The following CACNA1A variants were observed in gnomAD, a reference collection of about 807,000 sequenced individuals.
CACNA1A encodes calcium voltage-gated channel subunit alpha1 A.
In CACNA1A, 57 loss-of-function variants were observed where a neutral mutation model predicts 262.4. That is an observed-to-expected ratio of 0.22 (90% CI 0.18 to 0.27). The LOEUF is 0.27. CACNA1A is among the 10% of genes least tolerant of loss of function. The probability of loss-of-function intolerance (pLI) is 1.00; values close to 1 mark genes in which losing one functional copy is unlikely to be tolerated. For synonymous variants in CACNA1A, 1,431 were observed against 1,419.3 expected (o/e 1.01, Z -0.18); for missense variants, 2,526 against 3,562.8 (o/e 0.71, Z 7.41).
At chr19:13,464,622 C>T (rs968337070) in intron 1 of CACNA1A, among the ~76,000 whole-genome samples, 4 of 149,202 alleles carry the variant, frequency 2.7e-5, no homozygotes, top group Non-Finnish European at 4.4e-5. Flanking sequence ...TATCTCGGCT[C>T]ACTGCAAGCT....
Position 13,365,312 on chromosome 19 carries a change from C to G in CACNA1A, c.784+5G>C. On this transcript the variant is annotated splice_donor_5th_base_variant and intron_variant, in intron 5 of 46. Transcript: ENST00000360228. The stretch of plus-strand genomic sequence containing the variant: ...GGAAAGATGCATCATGCTCCGTGGA[C>G]CTACCTGTCCCCTCTTCAAAGCAGG... 1 of 1,610,028 alleles carries G rather than the reference C, an allele frequency of 6.2e-7. No individual in the cohort carries two copies. The highest frequency in any genetic ancestry group is 8.5e-7 in the Non-Finnish European group (1 of 1,177,098).
chr19:13,454,392 T>C (rs1568661308), intron 2 of CACNA1A, among the ~76,000 whole-genome samples: 1 of 151,764 alleles, frequency 6.6e-6, no homozygotes, highest in African/African-American at 2.4e-5. Context: ...CCCACCAAGA[T>C]GGAGTTTCAC....
chr19:13,354,934 G>C (rs1247820207), intron 6 of CACNA1A, among the ~76,000 whole-genome samples: 1 of 147,316 alleles, frequency 6.8e-6, no homozygotes, highest in Non-Finnish European at 1.5e-5. Flanking sequence ...GAGTGCAGTG[G>C]CATGATCTTG....
chr19:13,360,636 C>A (rs1482817214), intron 5 of CACNA1A, among the ~76,000 whole-genome samples: 3 of 152,068 alleles, frequency 2.0e-5, no homozygotes, highest in African/African-American at 7.2e-5. Context: ...CACCACCACA[C>A]CTGGATAATC....
chr19:13,341,007 G>C (rs2058668113), intron 6 of CACNA1A, among the ~76,000 whole-genome samples: 1 of 152,176 alleles, frequency 6.6e-6, no homozygotes. Flanking sequence ...AGGAGTTTGA[G>C]GCTGTAGTGA....
chr19:13,445,753 A>T (rs1241878447), intron 3 of CACNA1A, among the ~76,000 whole-genome samples: 1 of 152,226 alleles, frequency 6.6e-6, no homozygotes, highest in African/African-American at 2.4e-5. Context: ...TCATGATCAG[A>T]ACACAAATAC....
At position 13,466,529 on chromosome 19, in the gene CACNA1A, T is replaced by C. The variant is rs534938294; in HGVS notation, c.294-11317A>G. ...CTAATTTTTGCATTTTTAGTAGAGTTGGGGTTTCACCATGTTGGCCAGACT... is the reference window on the plus strand; with the variant it reads ...CTAATTTTTGCATTTTTAGTAGAGTCGGGGTTTCACCATGTTGGCCAGACT... On this transcript the variant is annotated intron_variant, in intron 1 of 46. Coordinates refer to ENST00000360228, the MANE Select transcript of CACNA1A (RefSeq NM_001127222.2). Among the ~76,000 whole-genome samples the C allele has an allele frequency of 2.6e-5, 4 of 152,028 alleles. No individual in the cohort carries two copies. The South Asian group carries it at 8.3e-4, about 32-fold the overall frequency.
chr19:13,259,660 C>T lies in CACNA1A; in HGVS notation c.4292G>A (p.Arg1431Gln), dbSNP rs369440853. ...TTCATACTTCTTCCACTCCCGGTCT[C>T]GCGCCTTCACCTCATTCTTCTCGTA... ...LLYEKNEVKA[R>Q]DREWKKYEFH... The change falls in exon 27 of 47, where the codon CGA becomes CAA. Residue 1431 changes from arginine to glutamine, a missense_variant. Physicochemically the swap from Arg to Gln is conservative, Grantham distance 43. Around this residue, in one of 17 missense-constraint regions of CACNA1A, gnomAD observed 137 missense variants for 377.7 expected, o/e 0.36. Transcript: ENST00000360228. 2.9e-5 allele frequency: 47 copies of T among 1,610,870 alleles called. No homozygotes were observed. The highest frequency in any genetic ancestry group is 3.8e-5 in the Non-Finnish European group (45 of 1,178,626).
chr19:13,343,021 C>G (rs2058702449), intron 6 of CACNA1A, among the ~76,000 whole-genome samples: 1 of 152,062 alleles, frequency 6.6e-6, no homozygotes, highest in Non-Finnish European at 1.5e-5. Context: ...TCCCAAAGTG[C>G]TGGGATTTCA....
chr19:13,377,004 G>C (rs2059431960), intron 3 of CACNA1A, among the ~76,000 whole-genome samples: 1 of 146,520 alleles, frequency 6.8e-6, no homozygotes, highest in African/African-American at 2.5e-5. Flanking sequence ...TTGTTGCCCA[G>C]GCTGGAGTGC....
intron 6 of CACNA1A, among the ~76,000 whole-genome samples, chr19:13,338,060 A>C (rs922694882): frequency 6.6e-6 from 1 of 152,164 alleles, no homozygotes; most frequent in African/African-American, 2.4e-5. Flanking sequence ...TCTACTAAAA[A>C]TACAAAAAAA....
rs141963371 is a variant in CACNA1A, at chr19:13,212,695, T to C, written c.5986A>G (p.Thr1996Ala). Residue 1996 changes from threonine to alanine, a missense_variant, in exon 41 of 47, where the codon ACG becomes GCG. By Grantham distance (58) the Thr-to-Ala change is moderately conservative. Coordinates refer to ENST00000360228, the MANE Select transcript of CACNA1A (RefSeq NM_001127222.2). The surrounding 1 kb of genome is among the most constrained non-coding windows in gnomAD (Gnocchi z 5.6). ...MFQRMEPPSP[T>A]QEGGPGQNAL... ...TTCTGGCCAGGTCCCCCTTCCTGCG[T>C]TGGGGACGGGGGCTCCATGCGCTGG... 82 of 1,510,702 alleles carry C rather than the reference T, an allele frequency of 5.4e-5. No individual in the cohort carries two copies. The highest frequency in any genetic ancestry group is 4.0e-4 in the Middle Eastern group (2 of 5,056). 93.6% of individuals were successfully genotyped at this position (1,510,702 alleles called of 1,614,324 possible).
intron 5 of CACNA1A, chr19:13,364,655 ATT>A (rs56928536): frequency 0.12 from 18,229 of 151,948 alleles, 2,079 homozygotes; most frequent in African/African-American, 0.29. Flanking sequence ...TTATTTATTT[ATT>A]TGAGATGGAG....
chr19:13,335,770 G>A (rs2058554574), intron 7 of CACNA1A, 36 bp downstream of exon 7: 1 of 1,307,626 alleles, frequency 7.6e-7, no homozygotes, highest in Non-Finnish European at 1.1e-6. Flanking sequence ...GCAAAGAGGA[G>A]TGAGTGGGAT....
At chr19:13,391,748 T>C (rs2059713876) in intron 3 of CACNA1A, among the ~76,000 whole-genome samples, 1 of 151,540 alleles carries the variant, frequency 6.6e-6, no homozygotes, top group Non-Finnish European at 1.5e-5. Flanking sequence ...ATGAAGAAAT[T>C]AGCCATGGCC....
chr19:13,300,788 A>C (rs1400779455), intron 17 of CACNA1A, 132 bp from the exon 18 acceptor site: 1 of 734,934 alleles, frequency 1.4e-6, no homozygotes, highest in East Asian at 2.5e-5. Flanking sequence ...CCCAATTGGA[A>C]TGGGTACCTG....
At chr19:13,435,518 C>T (rs2060595232) in intron 3 of CACNA1A, among the ~76,000 whole-genome samples, 2 of 152,090 alleles carry the variant, frequency 1.3e-5, no homozygotes. Context: ...GTCAGCAGAG[C>T]AGCAGAGGTG....
intron 20 of CACNA1A, among the ~76,000 whole-genome samples, chr19:13,286,091 T>G (rs531384542): frequency 6.6e-6 from 1 of 151,746 alleles, no homozygotes; most frequent in East Asian, 2.0e-4. Context: ...ATCTGGCCCC[T>G]TTTTTAATGT....
Position 13,241,657 on chromosome 19 carries a change from T to TGG in CACNA1A, c.4950+3523_4950+3524dup. 1 of 432,226 alleles carries TGG rather than the reference T, an allele frequency of 2.3e-6. No individual in the cohort carries two copies. The highest frequency in any genetic ancestry group is 4.5e-6 in the Non-Finnish European group (1 of 220,690). 26.8% of individuals were successfully genotyped at this position (432,226 alleles called of 1,614,324 possible). On this transcript the variant is annotated intron_variant, in intron 31 of 46. Transcript: ENST00000360228. This position sits in a 1 kb window ranked among gnomAD's most constrained non-coding sequence, Gnocchi z 4.0. ...TGGGTTTCGGTTCCCGGGCGGGGAG[T>TGG]GGGGGTGGTGGTGGCGGTGGGTTGG...
Sources: allele counts gnomAD v4.1 joint callset (sites outside exome capture counted in the v4.1 genomes callset), GRCh38; gene constraint gnomAD v4.1.1; regional missense constraint gnomAD v4.1.1; non-coding constraint Gnocchi (gnomAD v3.1); transcripts MANE v1.5; gene names NCBI Gene and HGNC (gene_info 2026-07-23, HGNC 2026-07-21).